The following WWOX variants were observed in gnomAD, a reference collection of about 807,000 sequenced individuals.
The protein encoded by WWOX is WW domain-containing oxidoreductase.
Under a neutral mutation model 46.2 loss-of-function variants are expected in WWOX, and 69 were observed. The ratio of observed to expected loss-of-function variants is 1.49; its 90% confidence interval spans 1.23 to 1.82. The LOEUF is 1.82. Among genes scored for constraint, WWOX ranks in the 40% most tolerant of loss-of-function variants. The probability of loss-of-function intolerance (pLI) is 0.00; values close to 1 mark genes in which losing one functional copy is unlikely to be tolerated. For missense variants in WWOX, 919 were observed against 542.6 expected, an observed-to-expected ratio of 1.69 and a Z score of -6.89; for synonymous variants, 359 against 202.6, an observed-to-expected ratio of 1.77 and a Z score of -6.56.
chr16:78,444,102 C>G (rs72799913), intron 8 of WWOX, among the ~76,000 whole-genome samples: 6 of 152,142 alleles, frequency 3.9e-5, no homozygotes, highest in African/African-American at 1.4e-4. Flanking sequence ...CGTTTGGAAA[C>G]GGAACTCCTC....
chr16:78,440,750 C>T (rs1302691187), intron 8 of WWOX, among the ~76,000 whole-genome samples: 1 of 151,952 alleles, frequency 6.6e-6, no homozygotes, highest in African/African-American at 2.4e-5. Context: ...TCCCAAGTAG[C>T]TGGGATTACA....
In WWOX at chr16:78,702,096, A is replaced by G. The variant is rs980612676; in HGVS notation, c.1056+269344A>G. ...TATAAAGTTTTATATTTATATCTAT[A>G]AAGTTATATATATATATATATATAT... On this transcript the variant is annotated intron_variant, in intron 8 of 8. Coordinates refer to ENST00000566780, the MANE Select transcript of WWOX (RefSeq NM_016373.4). 4.6e-3 allele frequency among the ~76,000 whole-genome samples: 347 copies of G among 75,586 alleles called. 1 individual carries two copies. The highest frequency in any genetic ancestry group is 7.4e-3 in the Non-Finnish European group (291 of 39,362). 49.6% of individuals were successfully genotyped at this position (75,586 alleles called of 152,430 possible).
At chr16:78,469,609 C>G (rs140496443) in intron 8 of WWOX, among the ~76,000 whole-genome samples, 169 of 152,296 alleles carry the variant, frequency 1.1e-3, no homozygotes, top group African/African-American at 3.9e-3. Flanking sequence ...AAAAAACAAA[C>G]TTGAAAAGCA....
chr16:78,694,229 T>G (rs2048051742), intron 8 of WWOX, among the ~76,000 whole-genome samples: 1 of 151,978 alleles, frequency 6.6e-6, no homozygotes, highest in South Asian at 2.1e-4. Context: ...TAAAATAAAA[T>G]AAAATGGATT....
chr16:78,814,163 G>A (rs957987169), intron 8 of WWOX, among the ~76,000 whole-genome samples: 1 of 152,218 alleles, frequency 6.6e-6, no homozygotes, highest in Non-Finnish European at 1.5e-5. Context: ...CTGCCGGCAA[G>A]CGGAGTCAGT....
chr16:79,114,582 C>T (rs2049477086), intron 8 of WWOX, among the ~76,000 whole-genome samples: 2 of 151,862 alleles, frequency 1.3e-5, no homozygotes, highest in Admixed American at 6.6e-5. Context: ...TGCCCTAGAG[C>T]CTTCGGAGGG....
chr16:78,332,289 C>CT (rs2080777088), intron 5 of WWOX, among the ~76,000 whole-genome samples: 1 of 152,176 alleles, frequency 6.6e-6, no homozygotes, highest in Non-Finnish European at 1.5e-5. Context: ...TTCCGCATTT[C>CT]TAAAATCCTT....
At chr16:78,802,929 A>C (rs1286785071) in intron 8 of WWOX, among the ~76,000 whole-genome samples, 1 of 111,446 alleles carries the variant, frequency 9.0e-6, no homozygotes, top group Non-Finnish European at 1.9e-5. Flanking sequence ...AAAAAAAAAA[A>C]AAAAAAAAAA....
intron 5 of WWOX, among the ~76,000 whole-genome samples, chr16:78,283,844 G>T (rs1227145395): frequency 1.3e-5 from 2 of 152,180 alleles, no homozygotes; most frequent in Non-Finnish European, 2.9e-5. Flanking sequence ...CACTTTATTG[G>T]ATATTGTAAT....
intron 8 of WWOX, among the ~76,000 whole-genome samples, chr16:79,075,967 C>T (rs72795667): frequency 1.3e-5 from 2 of 152,094 alleles, no homozygotes; most frequent in African/African-American, 4.8e-5. Flanking sequence ...TGTGGAGTCC[C>T]CAGTTTTCAA....
At position 78,835,260 on chromosome 16, in the gene WWOX, C is replaced by T. The variant is rs528305658; in HGVS notation, c.1057-376348C>T. ...ATTCTAGTAAAATTTATTCACCTTC[C>T]GAGATTATTTACTATTTTAGTCTGT... On this transcript the variant is annotated intron_variant, in intron 8 of 8. Coordinates refer to ENST00000566780, the MANE Select transcript of WWOX (RefSeq NM_016373.4). Among the ~76,000 whole-genome samples, 10 of 152,226 alleles carry T rather than the reference C, an allele frequency of 6.6e-5. No homozygotes were observed. In the South Asian group the frequency reaches 1.5e-3, roughly 22 times the overall value.
chr16:78,281,730 C>T (rs879872183), intron 5 of WWOX, among the ~76,000 whole-genome samples: 8 of 152,044 alleles, frequency 5.3e-5, no homozygotes, highest in South Asian at 4.2e-4. Flanking sequence ...CTTTCCCCCC[C>T]GCCCCCAACC....
intron 8 of WWOX, among the ~76,000 whole-genome samples, chr16:78,579,458 C>T (rs763786142): frequency 1.1e-4 from 17 of 152,018 alleles, no homozygotes; most frequent in Admixed American, 2.0e-4. Flanking sequence ...AGGGGAGGAG[C>T]GTGAGTTCCT....
intron 8 of WWOX, among the ~76,000 whole-genome samples, chr16:78,600,009 A>T (rs1220549556): frequency 6.6e-6 from 1 of 152,138 alleles, no homozygotes; most frequent in African/African-American, 2.4e-5. Context: ...ACAGCTCCAC[A>T]TGGCTGGGGA....
chr16:78,376,566 G>C (rs1238158043), intron 5 of WWOX, among the ~76,000 whole-genome samples: 1 of 152,168 alleles, frequency 6.6e-6, no homozygotes, highest in South Asian at 2.1e-4. Context: ...GTGAACCGAA[G>C]TGCCTATGAC....
At chr16:78,586,327 C>T (rs1265288931) in intron 8 of WWOX, among the ~76,000 whole-genome samples, 1 of 152,146 alleles carries the variant, frequency 6.6e-6, no homozygotes, top group Non-Finnish European at 1.5e-5. Flanking sequence ...GCCAGGACGC[C>T]ATGAAATAAT....
chr16:78,420,809 T>G (rs1826092941), intron 6 of WWOX, among the ~76,000 whole-genome samples: 1 of 152,150 alleles, frequency 6.6e-6, no homozygotes, highest in Non-Finnish European at 1.5e-5. Flanking sequence ...ATAAATTAGC[T>G]AATGCTTATT....
chr16:78,899,061 A>G (rs534771247), intron 8 of WWOX: 1 of 152,010 alleles, frequency 6.6e-6, no homozygotes, highest in African/African-American at 2.4e-5. Context: ...CTTCTTCTCC[A>G]ATTTTTATGG....
At chr16:78,962,246 A>G (rs978444785) in intron 8 of WWOX, among the ~76,000 whole-genome samples, 1 of 142,622 alleles carries the variant, frequency 7.0e-6, no homozygotes, top group Non-Finnish European at 1.5e-5. Flanking sequence ...TTTTTTCTCT[A>G]TCCCATTAGC....
Sources: allele counts gnomAD v4.1 joint callset (sites outside exome capture counted in the v4.1 genomes callset), GRCh38; gene constraint gnomAD v4.1.1; transcripts MANE v1.5; gene names NCBI Gene and HGNC (gene_info 2026-07-23, HGNC 2026-07-21).